Variants in MMEL1 observed in about 807,000 individuals in gnomAD.
The protein encoded by MMEL1 is membrane metallo-endopeptidase-like 1.
Under a neutral mutation model 117.1 loss-of-function variants are expected in MMEL1, and 98 were observed. The ratio of observed to expected loss-of-function variants is 0.84; its 90% CI spans 0.71 to 0.99. The LOEUF is 0.99. Among genes scored for constraint, MMEL1 ranks in the 50% least tolerant of loss-of-function variants. The pLI, the probability that MMEL1 is intolerant of heterozygous loss-of-function variation, is 0.00. For missense variants in MMEL1, 1,014 were observed against 1,049.1 expected (o/e 0.97, Z 0.46); for synonymous variants, 390 against 415.1 (o/e 0.94, Z 0.74).
At chr1:2,626,239 T>C (rs950357322) in intron 2 of MMEL1, among the ~76,000 whole-genome samples, 7 of 152,022 alleles carry the variant, frequency 4.6e-5, no homozygotes, top group African/African-American at 1.7e-4. Flanking sequence ...ACAAAGAAAT[T>C]TGGGGAAGAG....
Position 2,598,296 on chromosome 1 carries a change from T to G in MMEL1, c.1183A>C (p.Ile395Leu), listed in dbSNP as rs1371930001. Reference protein sequence around the residue: ...NIIDTYSARTIQNYLVWRLVL... With the variant: ...NIIDTYSARTLQNYLVWRLVL... ...AGGCGCCAGACCAGGTAGTTCTGTA[T>G]GGTCCTGGGGGCAGAAGGTAGAGGG... The change falls in exon 13 of 24, where the codon ATA becomes CTA. Residue 395 changes from isoleucine (I) to leucine (L), a missense_variant. Coordinates refer to ENST00000378412, the MANE Select transcript of MMEL1 (RefSeq NM_033467.4). 2 of 1,614,014 alleles carry G rather than the reference T, an allele frequency of 1.2e-6. No homozygotes were observed. Among genetic ancestry groups the G allele is most frequent in the Admixed American group, 3.3e-5 (2 of 60,028 alleles).
Position 2,629,320 on chromosome 1 carries a change from C to G in MMEL1, c.154+11G>C. The G allele has an allele frequency of 6.6e-7, 1 of 1,525,748 alleles. No homozygotes were observed. Among genetic ancestry groups the G allele is most frequent in the Non-Finnish European group, 8.8e-7 (1 of 1,138,604 alleles). The allele number at this position is 1,525,748 out of a possible 1,614,324, so 94.5% of individuals were successfully genotyped here. On this transcript the variant is annotated intron_variant, in intron 2 of 23. Coordinates refer to ENST00000378412, the MANE Select transcript of MMEL1 (RefSeq NM_033467.4). ...CACGGGGACAGGCGGGGGCGGGGCA[C>G]CCGCACTCACCTCTGCGGTCGGCGT...
intron 2 of MMEL1, among the ~76,000 whole-genome samples, chr1:2,619,220 C>A (rs758952015): frequency 7.9e-5 from 12 of 152,134 alleles, no homozygotes; most frequent in Non-Finnish European, 1.2e-4. Flanking sequence ...CCAGCTGAGC[C>A]CAACCTAGGT....
chr1:2,591,606 A>G lies in MMEL1; in HGVS notation c.2191T>C (p.Phe731Leu), dbSNP rs1644711260. 2 of 1,601,100 alleles carry G rather than the reference A, an allele frequency of 1.2e-6. No homozygotes were observed. The highest frequency in any genetic ancestry group is 1.7e-5 in the Admixed American group (1 of 58,854). The change falls in exon 23 of 24, where the codon TTC becomes CTC. Residue 731 changes from phenylalanine to leucine, a missense_variant. Transcript: ENST00000378412. ...QVWCGSYRPEFAIQSIKTDVH... is the reference protein window; with the variant it reads ...QVWCGSYRPELAIQSIKTDVH... The stretch of plus-strand genomic sequence containing the variant: ...TCTGTCTTGATGGATTGGATGGCGA[A>G]CTCGGGCCGGTAGGACCCGCACCAC...
chr1:2,592,631 G>A (rs1305520642), intron 21 of MMEL1, 24 bp downstream of exon 21: 13 of 670,200 alleles, frequency 1.9e-5, no homozygotes, highest in South Asian at 5.9e-5. Context: ...CCGCGCTGAC[G>A]CCCCCTCCCC....
intron 2 of MMEL1, among the ~76,000 whole-genome samples, chr1:2,616,037 C>T (rs1221357406): frequency 6.6e-6 from 1 of 152,176 alleles, no homozygotes; most frequent in Non-Finnish European, 1.5e-5. Flanking sequence ...TCAAGACATA[C>T]TTAAAAGCAG....
At chr1:2,617,776 G>A (rs1190691086) in intron 2 of MMEL1, among the ~76,000 whole-genome samples, 1 of 152,098 alleles carries the variant, frequency 6.6e-6, no homozygotes, top group Non-Finnish European at 1.5e-5. Context: ...AAAACAGTGA[G>A]ACCCTTTTGA....
intron 2 of MMEL1, among the ~76,000 whole-genome samples, chr1:2,616,171 T>C (rs2100955209): frequency 6.6e-6 from 1 of 151,864 alleles, no homozygotes; most frequent in African/African-American, 2.4e-5. Flanking sequence ...CTTACCTCTA[T>C]AAAAAAATTA....
chr1:2,622,319 C>T (rs4474198), intron 2 of MMEL1, among the ~76,000 whole-genome samples: 69,175 of 152,056 alleles, frequency 0.45, 17,342 homozygotes, highest in African/African-American at 0.67. Context: ...ATACCAACAC[C>T]GGTCCTGCGG....
chr1:2,611,362 A>G (rs751556560), intron 3 of MMEL1, 22 bp from the exon 4 acceptor site: 16 of 1,484,210 alleles, frequency 1.1e-5, no homozygotes, highest in Admixed American at 2.2e-5. Flanking sequence ...GAGCAGCCTG[A>G]GCACCGGGAG....
intron 19 of MMEL1, among the ~76,000 whole-genome samples, chr1:2,593,373 G>GCCCTGTCCCA (rs1644775477): frequency 6.6e-6 from 1 of 152,226 alleles, no homozygotes; most frequent in African/African-American, 2.4e-5. Context: ...AAAACCAGCT[G>GCCCTGTCCCA]GGGCCCCTGT....
intron 10 of MMEL1, 63 bp downstream of exon 10, chr1:2,604,084 C>A: frequency 6.4e-7 from 1 of 1,573,106 alleles, no homozygotes; most frequent in Admixed American, 1.8e-5. Flanking sequence ...CCTTGGCCAG[C>A]CACACCGCCT....
intron 6 of MMEL1, among the ~76,000 whole-genome samples, chr1:2,608,910 T>TATACAC (rs1645077820): frequency 6.6e-6 from 1 of 151,650 alleles, no homozygotes; most frequent in African/African-American, 2.4e-5. Flanking sequence ...CATGAACACA[T>TATACAC]ATATACACAT....
At chr1:2,615,029 G>T (rs1293406597) in intron 2 of MMEL1, among the ~76,000 whole-genome samples, 2 of 152,080 alleles carry the variant, frequency 1.3e-5, no homozygotes, top group Admixed American at 6.6e-5. Flanking sequence ...GGATTATAAT[G>T]CAAAGTGTAA....
At chr1:2,622,181 C>T (rs1393114287) in intron 2 of MMEL1, among the ~76,000 whole-genome samples, 15 of 152,094 alleles carry the variant, frequency 9.9e-5, no homozygotes, top group Admixed American at 9.8e-4. Flanking sequence ...GAGGGAGGGC[C>T]CAATGTCTGG....
chr1:2,601,085 T>TGC (rs1208688992), intron 11 of MMEL1, among the ~76,000 whole-genome samples: 2 of 152,226 alleles, frequency 1.3e-5, no homozygotes, highest in Non-Finnish European at 1.5e-5. Context: ...TTTGTGTGTG[T>TGC]GCGTGTATGC....
At chr1:2,614,394 C>T (rs75156903) in intron 2 of MMEL1, among the ~76,000 whole-genome samples, 6,729 of 152,242 alleles carry the variant, frequency 0.044, 516 homozygotes, top group African/African-American at 0.15. Context: ...CCCAGCTGAA[C>T]TCTGAAACCA....
Position 2,609,653 on chromosome 1 carries a change from C to T in MMEL1, c.454+17G>A, listed in dbSNP as rs372156085. ...GTTCGGCGTCACCCCACTGCACCCC[C>T]GGCCGTGCTCTGCCACCTTTGAGGA... On this transcript the variant is annotated intron_variant, in intron 5 of 23. Transcript: ENST00000378412. 3.8e-4 allele frequency: 605 copies of T among 1,597,540 alleles called. No homozygotes were observed. The highest frequency in any genetic ancestry group is 5.0e-4 in the Non-Finnish European group (587 of 1,171,282).
chr1:2,597,289 T>G (rs953228359), intron 13 of MMEL1, among the ~76,000 whole-genome samples: 1 of 151,712 alleles, frequency 6.6e-6, no homozygotes, highest in Admixed American at 6.6e-5. Flanking sequence ...GCTCCTAGAC[T>G]CAGTGCCCCC....
Sources: gnomAD v4.1 joint callset for allele counts (sites outside exome capture counted in the v4.1 genomes callset) on GRCh38, gnomAD v4.1.1 for gene constraint, MANE v1.5 for transcripts, NCBI Gene and HGNC (gene_info 2026-07-23, HGNC 2026-07-21) for gene names.